Variants in SEMA5A observed in about 807,000 individuals in gnomAD.
SEMA5A encodes semaphorin 5A, also known as semaphorin-5A.
SEMA5A carries 55 observed loss-of-function variants against 135.5 expected under a neutral mutation model. The observed-to-expected ratio is 0.41, with a 90% confidence interval of 0.33 to 0.51. The LOEUF is 0.51. Ranked by LOEUF, SEMA5A falls within the 20% of genes least tolerant of loss-of-function variation. The pLI, the probability that SEMA5A is intolerant of heterozygous loss-of-function variation, is 0.37. For missense variants in SEMA5A, 1,290 were observed against 1,419.9 expected (o/e 0.91, Z 1.47); for synonymous variants, 580 against 546.5 (o/e 1.06, Z -0.85).
In SEMA5A at chr5:9,480,800, C is replaced by A. The variant is rs80063206; in HGVS notation, c.-174-42948G>T. ...CACTGTTCCTGCCCTAACTTTCCAG[C>A]CCTAATCCAGAGCAAGACAGGGATG... On this transcript the variant is annotated intron_variant, in intron 1 of 22. Coordinates refer to ENST00000382496, the MANE Select transcript of SEMA5A (RefSeq NM_003966.3). 2.0e-4 allele frequency among the ~76,000 whole-genome samples: 30 copies of A among 152,224 alleles called. No individual in the cohort carries two copies. In the East Asian group the frequency reaches 5.4e-3, roughly 27 times the overall value.
At chr5:9,392,054 G>A (rs1756184981) in intron 2 of SEMA5A, among the ~76,000 whole-genome samples, 1 of 152,098 alleles carries the variant, frequency 6.6e-6, no homozygotes, top group African/African-American at 2.4e-5. Context: ...CCTTGCAGAT[G>A]GCGCTTGCTG....
At chr5:9,071,020 G>A (rs538924515) in intron 16 of SEMA5A, among the ~76,000 whole-genome samples, 17 of 152,242 alleles carry the variant, frequency 1.1e-4, no homozygotes, top group African/African-American at 4.1e-4. Context: ...TAATACTAAA[G>A]AGATAAATGA....
intron 12 of SEMA5A, among the ~76,000 whole-genome samples, chr5:9,137,480 G>A (rs963361257): frequency 6.6e-6 from 1 of 152,162 alleles, no homozygotes; most frequent in East Asian, 1.9e-4. Context: ...GGAAGAAGAC[G>A]GAGATGATAG....
Position 9,039,507 on chromosome 5 carries a change from T to A in SEMA5A, c.*3390A>T, listed in dbSNP as rs111592963. 1 of 152,174 alleles carries A rather than the reference T, an allele frequency of 6.6e-6. No homozygotes were observed. Among genetic ancestry groups the A allele is most frequent in the Admixed American group, 6.5e-5 (1 of 15,298 alleles). 9.4% of individuals were successfully genotyped at this position (152,174 alleles called of 1,614,324 possible). A position where few individuals can be genotyped will look rare whatever the true frequency, so the allele number is the denominator to read the frequency against. On this transcript the variant is annotated 3_prime_UTR_variant, in exon 23 of 23. Coordinates refer to ENST00000382496, the MANE Select transcript of SEMA5A (RefSeq NM_003966.3). ...TCCTTTAGAACCTCAGCCCCACACA[T>A]ACATTTATTAAATGTTCTTTTCTTC... is the stretch of plus-strand genomic sequence containing the variant.
chr5:9,185,042 C>A (rs1476565950), intron 11 of SEMA5A, among the ~76,000 whole-genome samples: 4 of 152,208 alleles, frequency 2.6e-5, no homozygotes, highest in Non-Finnish European at 4.4e-5. Flanking sequence ...ATCCTCCCAA[C>A]TCAGCCTCCA....
chr5:9,126,058 G>A (rs1346004662), intron 13 of SEMA5A, among the ~76,000 whole-genome samples: 2 of 152,152 alleles, frequency 1.3e-5, no homozygotes, highest in African/African-American at 4.8e-5. Context: ...TGTTCATGGA[G>A]CCAGCCTCAA....
chr5:9,384,623 G>GATAGATAC lies in SEMA5A; in HGVS notation c.-77-4601_-77-4600insGTATCTAT, dbSNP rs1755778273. Among the ~76,000 whole-genome samples the GATAGATAC allele has an allele frequency of 9.5e-5, 4 of 42,318 alleles. 1 individual carries two copies. Among genetic ancestry groups the GATAGATAC allele is most frequent in the South Asian group, 1.2e-3 (2 of 1,660 alleles). 27.8% of individuals were successfully genotyped at this position (42,318 alleles called of 152,430 possible). A position where few individuals can be genotyped will look rare whatever the true frequency, so the allele number is the denominator to read the frequency against. ...AGATAGATAGATAGATAGATACATA[G>GATAGATAC]ATAGATAGATAGATAGATAGATAGA... On this transcript the variant is annotated intron_variant, in intron 2 of 22. Coordinates refer to ENST00000382496, the MANE Select transcript of SEMA5A (RefSeq NM_003966.3).
chr5:9,273,717 G>T (rs1029530422), intron 5 of SEMA5A, among the ~76,000 whole-genome samples: 1 of 152,088 alleles, frequency 6.6e-6, no homozygotes, highest in Non-Finnish European at 1.5e-5. Context: ...TTTCAACCCA[G>T]AATTTCATAT....
chr5:9,400,969 T>C (rs1027669312), intron 2 of SEMA5A, among the ~76,000 whole-genome samples: 1 of 152,222 alleles, frequency 6.6e-6, no homozygotes. Flanking sequence ...CTTGTGTTGG[T>C]GGAGACCAGT....
intron 3 of SEMA5A, among the ~76,000 whole-genome samples, chr5:9,355,899 C>T (rs562151153): frequency 6.6e-6 from 1 of 152,314 alleles, no homozygotes; most frequent in South Asian, 2.1e-4. Context: ...TCTTATTCCT[C>T]TCTATCTACA....
At chr5:9,481,311 T>C (rs902247581) in intron 1 of SEMA5A, among the ~76,000 whole-genome samples, 2 of 152,092 alleles carry the variant, frequency 1.3e-5, no homozygotes, top group African/African-American at 4.8e-5. Context: ...TTAACTTTGC[T>C]CACAATTTAG....
chr5:9,288,145 G>C (rs1022601177), intron 5 of SEMA5A, among the ~76,000 whole-genome samples: 2 of 152,172 alleles, frequency 1.3e-5, no homozygotes, highest in African/African-American at 2.4e-5. Context: ...TATGAATCAA[G>C]GGTTCTATAG....
chr5:9,088,161 G>T (rs1018724119), intron 16 of SEMA5A, among the ~76,000 whole-genome samples: 1 of 152,020 alleles, frequency 6.6e-6, no homozygotes, highest in Non-Finnish European at 1.5e-5. Flanking sequence ...GCAAAAATTA[G>T]CTGGGCATGG....
intron 5 of SEMA5A, among the ~76,000 whole-genome samples, chr5:9,257,920 A>C (rs1263477456): frequency 6.6e-6 from 1 of 152,176 alleles, no homozygotes; most frequent in Admixed American, 6.5e-5. Context: ...AGAGAAGCCA[A>C]GTAAAGGGCA....
intron 9 of SEMA5A, among the ~76,000 whole-genome samples, chr5:9,198,665 C>T (rs115910468): frequency 0.02 from 3,000 of 152,214 alleles, 45 homozygotes; most frequent in South Asian, 0.061. Context: ...AATAAAGGGG[C>T]GAACACCAGC....
Position 9,096,003 on chromosome 5 carries a change from T to C in SEMA5A, c.2073+12137A>G, listed in dbSNP as rs186895356. On this transcript the variant is annotated intron_variant, in intron 16 of 22. Coordinates refer to ENST00000382496, the MANE Select transcript of SEMA5A (RefSeq NM_003966.3). ...AAGCAGGTGCTTTACGAGGTAGTGA[T>C]TTAATTTCCTTTGGGTATATGCCCA... 2.6e-3 allele frequency among the ~76,000 whole-genome samples: 392 copies of C among 152,316 alleles called. 1 individual carries two copies. Among genetic ancestry groups the C allele is most frequent in the Non-Finnish European group, 2.9e-3 (199 of 68,008 alleles).
chr5:9,522,950 T>C (rs1419871816), intron 1 of SEMA5A: 3 of 152,220 alleles, frequency 2.0e-5, no homozygotes, highest in Admixed American at 2.0e-4. Flanking sequence ...CTTCTCTAAA[T>C]GATGACGCAC....
At chr5:9,300,475 AC>A (rs1177158790) in intron 5 of SEMA5A, among the ~76,000 whole-genome samples, 4 of 152,212 alleles carry the variant, frequency 2.6e-5, no homozygotes, top group Admixed American at 6.5e-5. Flanking sequence ...AACAAATCTT[AC>A]AGCCATAATA....
At chr5:9,329,948 T>C (rs1191404891) in intron 4 of SEMA5A, among the ~76,000 whole-genome samples, 2 of 152,218 alleles carry the variant, frequency 1.3e-5, no homozygotes, top group African/African-American at 2.4e-5. Flanking sequence ...CGTTATGCCA[T>C]ATTGTTTTTA....
Sources: gnomAD v4.1 joint callset for allele counts (sites outside exome capture counted in the v4.1 genomes callset) on GRCh38, gnomAD v4.1.1 for gene constraint, MANE v1.5 for transcripts, NCBI Gene and HGNC (gene_info 2026-07-23, HGNC 2026-07-21) for gene names.